The following SFI1 variants were observed in gnomAD, a reference collection of about 807,000 sequenced individuals.
SFI1 encodes SFI1 centrin binding protein, also known as protein SFI1 homolog.
A neutral mutation model predicts 207.5 loss-of-function variants in SFI1; 195 were observed. The ratio of observed to expected loss-of-function variants is 0.94; its 90% CI spans 0.84 to 1.06. The LOEUF (loss-of-function observed/expected upper bound fraction) is 1.06, where lower values mean the gene tolerates loss of function less well. Among genes scored for constraint, SFI1 ranks in the 50% least tolerant of loss-of-function variants. SFI1 has a pLI of 0.00. For synonymous variants in SFI1, 630 were observed against 598.9 expected (o/e 1.05, Z -0.76); for missense variants, 1,634 against 1,588.0 (o/e 1.03, Z -0.49).
intron 22 of SFI1, 79 bp from the exon 23 acceptor site, chr22:31,611,061 TCTG>T: frequency 6.3e-7 from 1 of 1,578,866 alleles, no homozygotes; most frequent in Non-Finnish European, 8.7e-7. Flanking sequence ...CACAGCCATC[TCTG>T]CTGTCTGCAC....
intron 8 of SFI1, among the ~76,000 whole-genome samples, chr22:31,562,249 C>T (rs1671191237): frequency 6.6e-6 from 1 of 152,058 alleles, no homozygotes; most frequent in African/African-American, 2.4e-5. Flanking sequence ...GTAACAGAGA[C>T]CTTATGGTCT....
At chr22:31,533,623 C>T (rs2058722151) in intron 4 of SFI1, among the ~76,000 whole-genome samples, 1 of 152,098 alleles carries the variant, frequency 6.6e-6, no homozygotes, top group Non-Finnish European at 1.5e-5. Context: ...AGCAGGGCAG[C>T]TGAGCTGATC....
intron 2 of SFI1, among the ~76,000 whole-genome samples, chr22:31,513,585 T>TTGTTTTGTTTTGTTC (rs1261556106): frequency 6.6e-6 from 1 of 150,958 alleles, no homozygotes; most frequent in Non-Finnish European, 1.5e-5. Context: ...TTGTTTTGTT[T>TTGTTTTGTTTTGTTC]TGTTTTATTT....
intron 3 of SFI1, among the ~76,000 whole-genome samples, chr22:31,530,098 G>A (rs1314840701): frequency 7.1e-6 from 1 of 140,952 alleles, no homozygotes; most frequent in Middle Eastern, 3.6e-3. Flanking sequence ...CGTGAACCCA[G>A]GAGGTGGAGG....
At chr22:31,595,685 A>G (rs996052098) in intron 15 of SFI1, among the ~76,000 whole-genome samples, 8 of 152,326 alleles carry the variant, frequency 5.3e-5, no homozygotes, top group South Asian at 4.1e-4. Context: ...GCTCAGAGCT[A>G]GTGCTGAGGG....
intron 27 of SFI1, 103 bp downstream of exon 27, chr22:31,613,958 C>T (rs1183145420): frequency 7.9e-6 from 11 of 1,393,452 alleles, no homozygotes; most frequent in Non-Finnish European, 1.0e-5. Flanking sequence ...ACGGGCTGGT[C>T]ACGGCCTTGT....
At chr22:31,575,960 A>G (rs2145932549) in intron 10 of SFI1, among the ~76,000 whole-genome samples, 1 of 152,314 alleles carries the variant, frequency 6.6e-6, no homozygotes, top group East Asian at 1.9e-4. Flanking sequence ...AGTGTATTCT[A>G]AAGTCACAGG....
rs1555984025 is a variant in SFI1 at position 31,545,584 on chromosome 22, A to AATTTTATTTAATTTT, written c.339-1268_339-1267insAATTTTATTTTATTT. On this transcript the variant is annotated intron_variant, in intron 4 of 32. Transcript: ENST00000400288. ...AATTTAATTTAATTTAATTTAATTT[A>AATTTTATTTAATTTT]ATTTTATTTTATTTTGAGACGAAGT... Among the ~76,000 whole-genome samples, 1,120 of 144,988 alleles carry AATTTTATTTAATTTT rather than the reference A, an allele frequency of 7.7e-3. 18 individuals carry two copies. Among genetic ancestry groups the AATTTTATTTAATTTT allele is most frequent in the African/African-American group, 0.024 (954 of 40,138 alleles).
At position 31,564,154 on chromosome 22, in the gene SFI1, C is replaced by T. The variant is rs182131988; in HGVS notation, c.765+2762C>T. On this transcript the variant is annotated intron_variant, in intron 8 of 32. Transcript: ENST00000400288. ...CATCCTGGCTAACACGGTGAAACCCCGTCTCTACTAAAAATACAAAAAATT... is the reference window on the plus strand; with the variant it reads ...CATCCTGGCTAACACGGTGAAACCCTGTCTCTACTAAAAATACAAAAAATT... Among the ~76,000 whole-genome samples, 243 of 151,102 alleles carry T rather than the reference C, an allele frequency of 1.6e-3. 1 individual carries two copies. Among genetic ancestry groups the T allele is most frequent in the African/African-American group, 5.6e-3 (231 of 41,252 alleles).
intron 12 of SFI1, among the ~76,000 whole-genome samples, 179 bp downstream of exon 12, chr22:31,580,543 T>C (rs1297011267): frequency 1.5e-5 from 1 of 66,784 alleles, no homozygotes; most frequent in East Asian, 6.5e-4. Flanking sequence ...TTTTCTTTTC[T>C]TTTTTTTTTT....
chr22:31,549,964 C>G (rs1352040863), intron 5 of SFI1, among the ~76,000 whole-genome samples: 1 of 151,614 alleles, frequency 6.6e-6, no homozygotes, highest in African/African-American at 2.4e-5. Context: ...GAGTCTTGCT[C>G]TGTTGTCCAG....
Position 31,608,013 on chromosome 22 carries a change from C to G in SFI1, c.2234C>G (p.Ala745Gly). Residue 745 changes from alanine to glycine, a missense_variant, in exon 22 of 33, where the codon GCC becomes GGC. Transcript: ENST00000400288. ...CAGGAGGACTGTGCCATCTGGGAGG[C>G]CCAGAAGGTGCTGGACAGGGGTAAG... ...RQQEDCAIWEAQKVLDRGCLR... is the reference protein window; with the variant it reads ...RQQEDCAIWEGQKVLDRGCLR... The G allele has an allele frequency of 6.2e-7, 1 of 1,613,766 alleles. No individual in the cohort carries two copies. Among genetic ancestry groups the G allele is most frequent in the South Asian group, 1.1e-5 (1 of 91,064 alleles).
chr22:31,601,419 G>A (rs2068083170), intron 15 of SFI1, among the ~76,000 whole-genome samples: 1 of 152,042 alleles, frequency 6.6e-6, no homozygotes, highest in South Asian at 2.1e-4. Flanking sequence ...CACTATGCCC[G>A]GCCAACCTTT....
Position 31,618,198 on chromosome 22 carries a change from A to G in SFI1, c.3596A>G (p.Glu1199Gly). 3 of 1,597,382 alleles carry G rather than the reference A, an allele frequency of 1.9e-6. No homozygotes were observed. The highest frequency in any genetic ancestry group is 1.7e-6 in the Non-Finnish European group (2 of 1,173,776). The change falls in exon 32 of 33, where the codon GAG (glutamate) becomes GGG (glycine). Residue 1199 changes from glutamate to glycine, a missense_variant. Transcript: ENST00000400288. ...CCGGGGCCTGAGGACCAGGAAGTAGAGCAGCAGGTGCAGAAAGAGCTGGAA... is the reference window on the plus strand; with the variant it reads ...CCGGGGCCTGAGGACCAGGAAGTAGGGCAGCAGGTGCAGAAAGAGCTGGAA... ...EEPGPEDQEV[E>G]QQVQKELEQV...
chr22:31,522,056 C>T (rs999328018), intron 2 of SFI1, among the ~76,000 whole-genome samples: 6 of 143,860 alleles, frequency 4.2e-5, no homozygotes, highest in Non-Finnish European at 7.5e-5. Flanking sequence ...TGAGCCACTA[C>T]ACCTGGCCTT....
At chr22:31,502,632 C>T (rs777456259) in intron 1 of SFI1, among the ~76,000 whole-genome samples, 16 of 152,114 alleles carry the variant, frequency 1.1e-4, no homozygotes, top group Non-Finnish European at 2.1e-4. Context: ...CCTCGGCCTC[C>T]TGAAGTCGTG....
At chr22:31,551,098 T>C (rs1335683770) in intron 6 of SFI1, among the ~76,000 whole-genome samples, 3 of 152,106 alleles carry the variant, frequency 2.0e-5, no homozygotes, top group Admixed American at 6.6e-5. Context: ...TGCCTGAGAG[T>C]AATCCTCATC....
chr22:31,571,579 T>A (rs2062959170), intron 8 of SFI1, among the ~76,000 whole-genome samples: 1 of 151,872 alleles, frequency 6.6e-6, no homozygotes, highest in Non-Finnish European at 1.5e-5. Flanking sequence ...GCTCCCAAAG[T>A]GCTGAGATTA....
chr22:31,511,322 C>T (rs1331367523), intron 2 of SFI1, among the ~76,000 whole-genome samples: 8 of 152,070 alleles, frequency 5.3e-5, no homozygotes, highest in East Asian at 3.8e-4. Context: ...AAGGAGTCCT[C>T]GTAAGCTGAA....
Sources: gnomAD v4.1 joint callset for allele counts (sites outside exome capture counted in the v4.1 genomes callset) on GRCh38, gnomAD v4.1.1 for gene constraint, MANE v1.5 for transcripts, NCBI Gene and HGNC (gene_info 2026-07-23, HGNC 2026-07-21) for gene names.